Variants in ACAP2 observed in about 807,000 individuals in gnomAD.
ACAP2 encodes ArfGAP with coiled-coil, ankyrin repeat and PH domains 2.
ACAP2 carries 39 observed loss-of-function variants against 115.8 expected under a neutral mutation model. The observed-to-expected ratio is 0.34, with a 90% CI of 0.26 to 0.44. The LOEUF (loss-of-function observed/expected upper bound fraction) is 0.44, where lower values mean the gene tolerates loss of function less well. ACAP2 is among the 20% of genes least tolerant of loss of function. ACAP2 has a pLI of 1.00. For missense variants in ACAP2, 662 were observed against 927.6 expected, an observed-to-expected ratio of 0.71 and a Z score of 3.72; for synonymous variants, 289 against 315.8, an observed-to-expected ratio of 0.92 and a Z score of 0.90.
intron 22 of ACAP2, among the ~76,000 whole-genome samples, chr3:195,280,387 G>A (rs566486105): frequency 3.3e-5 from 5 of 152,168 alleles, no homozygotes; most frequent in South Asian, 2.1e-4. Flanking sequence ...CAGGAGAATC[G>A]CTTGAACCCG....
rs756899140 is a variant in ACAP2 at position 195,302,180 on chromosome 3, A to G, written c.1117-6T>C. ...GATGATTTCTTATCCAGCTTCTAAA[A>G]GAATTAAGAATTACTTGTTTTTAAA... is the stretch of plus-strand genomic sequence containing the variant. On this transcript the variant is annotated splice_polypyrimidine_tract_variant and splice_region_variant and intron_variant, in intron 13 of 22. Coordinates refer to ENST00000326793, the MANE Select transcript of ACAP2 (RefSeq NM_012287.6). 1.9e-6 allele frequency: 3 copies of G among 1,604,110 alleles called. No individual in the cohort carries two copies. Among genetic ancestry groups the G allele is most frequent in the Non-Finnish European group, 2.6e-6 (3 of 1,175,892 alleles).
chr3:195,370,882 G>A (rs1733084666), intron 4 of ACAP2, among the ~76,000 whole-genome samples: 1 of 151,836 alleles, frequency 6.6e-6, no homozygotes, highest in South Asian at 2.1e-4. Flanking sequence ...AACCCAGGAG[G>A]TGGAGGTTGC....
At chr3:195,356,191 G>C in intron 4 of ACAP2, 1 of 456,678 alleles carries the variant, frequency 2.2e-6, no homozygotes, top group South Asian at 1.5e-5. Context: ...CGCTGCACAC[G>C]GGGAAAGAGC....
Position 195,306,497 on chromosome 3 carries a change from A to G in ACAP2, c.1116+14T>C. Reference sequence around the variant, plus strand: ...GGCAATATATTATCTGGTATTGCTAATACCTCTACTAACCTCTGATTCATC... The same window carrying G: ...GGCAATATATTATCTGGTATTGCTAGTACCTCTACTAACCTCTGATTCATC... On this transcript the variant is annotated intron_variant, in intron 13 of 22. Coordinates refer to ENST00000326793, the MANE Select transcript of ACAP2 (RefSeq NM_012287.6). 6.4e-7 allele frequency: 1 copy of G among 1,571,870 alleles called. No homozygotes were observed. The highest frequency in any genetic ancestry group is 1.2e-5 in the South Asian group (1 of 85,914).
At chr3:195,393,873 G>A (rs1331628682) in intron 1 of ACAP2, among the ~76,000 whole-genome samples, 1 of 117,592 alleles carries the variant, frequency 8.5e-6, no homozygotes, top group Non-Finnish European at 1.7e-5. Flanking sequence ...GCACAGGATA[G>A]AGTATTATAT....
At chr3:195,391,988 C>CT (rs1734710986) in intron 2 of ACAP2, 102 bp downstream of exon 2, 7 of 910,520 alleles carry the variant, frequency 7.7e-6, no homozygotes, top group Non-Finnish European at 1.2e-5. Flanking sequence ...GAGTGAGACT[C>CT]TGTCTCCAAA....
chr3:195,382,595 A>G (rs1734022117), intron 2 of ACAP2, among the ~76,000 whole-genome samples: 1 of 152,064 alleles, frequency 6.6e-6, no homozygotes, highest in Non-Finnish European at 1.5e-5. Flanking sequence ...GGTAAATGTC[A>G]AATATTAAAA....
chr3:195,292,182 A>T (rs1727299463), intron 19 of ACAP2, 83 bp downstream of exon 19: 2 of 1,442,526 alleles, frequency 1.4e-6, no homozygotes, highest in East Asian at 4.8e-5. Context: ...AAGCAAAGAC[A>T]ATACTAAAGC....
chr3:195,294,723 C>CTCA lies in ACAP2; in HGVS notation c.1758_1760dup (p.Tyr586_Glu587insAsp). ...TTGAGTTTCATCAGAACTCACCAGG[C>CTCA]TCATATAAACTATTGGCTGACACCG... On this transcript the variant is annotated inframe_insertion, in exon 18 of 23. Coordinates refer to ENST00000326793, the MANE Select transcript of ACAP2 (RefSeq NM_012287.6). 6.3e-7 allele frequency: 1 copy of CTCA among 1,591,932 alleles called. No individual in the cohort carries two copies. The highest frequency in any genetic ancestry group is 8.6e-7 in the Non-Finnish European group (1 of 1,164,550).
chr3:195,355,308 T>C (rs1456443471), intron 4 of ACAP2, among the ~76,000 whole-genome samples: 1 of 149,094 alleles, frequency 6.7e-6, no homozygotes, highest in Admixed American at 6.7e-5. Context: ...TGGTAGTTAT[T>C]GTTGTTCTTA....
intron 4 of ACAP2, among the ~76,000 whole-genome samples, chr3:195,351,129 T>TTTTGG (rs75945777): frequency 3.0e-5 from 4 of 131,864 alleles, no homozygotes; most frequent in African/African-American, 1.2e-4. Flanking sequence ...TTTTTTTTTT[T>TTTTGG]GGGCGGGGGA....
chr3:195,381,481 C>T (rs920652311), intron 3 of ACAP2, among the ~76,000 whole-genome samples: 3 of 151,994 alleles, frequency 2.0e-5, no homozygotes, highest in African/African-American at 4.8e-5. Flanking sequence ...CTAAGCTAAC[C>T]GAGCATAAGC....
chr3:195,302,931 T>C (rs895096967), intron 13 of ACAP2, among the ~76,000 whole-genome samples: 1 of 151,898 alleles, frequency 6.6e-6, no homozygotes, highest in Non-Finnish European at 1.5e-5. Flanking sequence ...AAAAAGAATA[T>C]GTCTGGGCAC....
At chr3:195,361,683 G>A (rs1732380023) in intron 4 of ACAP2, among the ~76,000 whole-genome samples, 1 of 151,880 alleles carries the variant, frequency 6.6e-6, no homozygotes, top group East Asian at 1.9e-4. Context: ...ATAAAGACCA[G>A]AGCAGAAATA....
At position 195,352,974 on chromosome 3, in the gene ACAP2, A is replaced by T. The variant is rs145920854; in HGVS notation, c.286-7657T>A. The stretch of plus-strand genomic sequence containing the variant: ...CGCACATCTGTAATCCTAGCTACTC[A>T]GGAGGCTGAGGCACAAGAATCGCTT... On this transcript the variant is annotated intron_variant, in intron 4 of 22. Transcript: ENST00000326793. Among the ~76,000 whole-genome samples, 1,413 of 151,910 alleles carry T rather than the reference A, an allele frequency of 9.3e-3. 27 individuals carry two copies. Among genetic ancestry groups the T allele is most frequent in the African/African-American group, 0.032 (1,313 of 41,410 alleles).
chr3:195,368,939 C>T (rs1278083202), intron 4 of ACAP2, among the ~76,000 whole-genome samples: 3 of 152,116 alleles, frequency 2.0e-5, no homozygotes, highest in African/African-American at 7.2e-5. Flanking sequence ...CAAAAATTAG[C>T]TGGGCATGGC....
chr3:195,394,789 T>G (rs1414089622), intron 1 of ACAP2, among the ~76,000 whole-genome samples: 1 of 152,186 alleles, frequency 6.6e-6, no homozygotes, highest in African/African-American at 2.4e-5. Flanking sequence ...CCAGCTACTG[T>G]GGATTCTGAG....
At chr3:195,285,665 G>T (rs545053669) in intron 22 of ACAP2, 131 bp downstream of exon 22, 1 of 717,906 alleles carries the variant, frequency 1.4e-6, no homozygotes, top group South Asian at 1.9e-5. Context: ...CAATTTACAA[G>T]TGGGTTATAA....
At chr3:195,353,080 T>TTAA (rs1731719156) in intron 4 of ACAP2, among the ~76,000 whole-genome samples, 2 of 134,070 alleles carry the variant, frequency 1.5e-5, no homozygotes, top group South Asian at 2.4e-4. Context: ...ACTCTGTCTT[T>TTAA]AAAAAAAAAA....
Sources: allele counts gnomAD v4.1 joint callset (sites outside exome capture counted in the v4.1 genomes callset), GRCh38; gene constraint gnomAD v4.1.1; transcripts MANE v1.5; gene names NCBI Gene and HGNC (gene_info 2026-07-23, HGNC 2026-07-21).